The following CHODL variants were observed in gnomAD, a reference collection of about 807,000 sequenced individuals.
The protein encoded by CHODL is transmembrane protein MT75.
In CHODL, 29 loss-of-function variants were observed where a neutral mutation model predicts 34.5. The observed-to-expected ratio is 0.84, with a 90% CI of 0.63 to 1.15. The LOEUF is 1.15. Ranked by LOEUF, CHODL falls within the 50% of genes most tolerant of loss-of-function variation. The pLI is 0.00. For missense variants in CHODL, 332 were observed against 332.5 expected (o/e 1.00, Z 0.01); for synonymous variants, 125 against 116.1 (o/e 1.08, Z -0.49).
chr21:17,933,206 T>C (rs920405703), intron 1 of CHODL, among the ~76,000 whole-genome samples: 5 of 152,308 alleles, frequency 3.3e-5, no homozygotes, highest in South Asian at 2.1e-4. Flanking sequence ...TGCCTTCCTC[T>C]TGTTTCAACT....
At chr21:18,216,294 C>A (rs112905203) in intron 2 of CHODL, among the ~76,000 whole-genome samples, 6,198 of 152,210 alleles carry the variant, frequency 0.041, 162 homozygotes, top group Non-Finnish European at 0.054. Context: ...CATACCAAAT[C>A]TTTTCTTCTA....
At chr21:18,116,502 A>G (rs1484635864) in intron 2 of CHODL, among the ~76,000 whole-genome samples, 1 of 152,060 alleles carries the variant, frequency 6.6e-6, no homozygotes, top group Non-Finnish European at 1.5e-5. Flanking sequence ...ACGCCATCTC[A>G]TTTCTATGTT....
chr21:18,166,803 C>T (rs1341418975), intron 2 of CHODL, among the ~76,000 whole-genome samples: 1 of 152,018 alleles, frequency 6.6e-6, no homozygotes, highest in Non-Finnish European at 1.5e-5. Context: ...TATCCTTGAT[C>T]CCATAGATTC....
At chr21:18,052,385 G>C (rs563029884) in intron 2 of CHODL, among the ~76,000 whole-genome samples, 4 of 152,012 alleles carry the variant, frequency 2.6e-5, no homozygotes, top group Admixed American at 6.6e-5. Flanking sequence ...TGGAAAGCCT[G>C]GTTCTAACCC....
intron 2 of CHODL, among the ~76,000 whole-genome samples, chr21:18,064,387 C>T (rs1014119428): frequency 6.6e-6 from 1 of 152,078 alleles, no homozygotes; most frequent in Non-Finnish European, 1.5e-5. Flanking sequence ...ATATTTTTTG[C>T]TAAATTAATA....
rs371539856 is a variant in CHODL at position 17,970,353 on chromosome 21, G to T, written c.-145+52953G>T. The stretch of plus-strand genomic sequence containing the variant: ...TTATTTCTCAATTTGTTCCAAAATT[G>T]ACAGGCAAAGAAAGGAGTGTTATAT... On this transcript the variant is annotated intron_variant, in intron 1 of 6. Transcript: ENST00000400127. Among the ~76,000 whole-genome samples, 27 of 152,090 alleles carry T rather than the reference G, an allele frequency of 1.8e-4. 1 individual carries two copies. The highest frequency in any genetic ancestry group is 5.1e-4 in the African/African-American group (21 of 41,512).
chr21:18,025,222 T>C (rs2064163034), intron 1 of CHODL, among the ~76,000 whole-genome samples: 1 of 152,158 alleles, frequency 6.6e-6, no homozygotes, highest in African/African-American at 2.4e-5. Context: ...AATTATCAAA[T>C]AAAATGCTAA....
intron 1 of CHODL, among the ~76,000 whole-genome samples, chr21:17,961,553 A>G (rs1216146149): frequency 2.0e-5 from 3 of 152,220 alleles, no homozygotes; most frequent in Non-Finnish European, 4.4e-5. Flanking sequence ...GGGGAAGGAT[A>G]TCATTTAACT....
chr21:18,179,152 A>T (rs1369941407), intron 2 of CHODL, among the ~76,000 whole-genome samples: 4 of 152,044 alleles, frequency 2.6e-5, no homozygotes, highest in Non-Finnish European at 5.9e-5. Flanking sequence ...GAAAACCGCC[A>T]TTTGTGGAGT....
Position 18,008,145 on chromosome 21 carries a change from C to T in CHODL, c.-144-19727C>T, listed in dbSNP as rs549252299. 4.6e-5 allele frequency among the ~76,000 whole-genome samples: 7 copies of T among 150,804 alleles called. No individual in the cohort carries two copies. The South Asian group carries it at 6.3e-4, about 14-fold the overall frequency. On this transcript the variant is annotated intron_variant, in intron 1 of 6. Transcript: ENST00000400127. The stretch of plus-strand genomic sequence containing the variant: ...GTGAATTTATTTAAATATTTTTCTT[C>T]TTTTTTTTAAAAAAAAGCTTTATTG...
intron 2 of CHODL, among the ~76,000 whole-genome samples, chr21:18,046,060 G>T (rs1357470855): frequency 6.6e-6 from 1 of 151,960 alleles, no homozygotes; most frequent in Admixed American, 6.6e-5. Flanking sequence ...GTGGTAATTT[G>T]TTGTGGCATC....
chr21:17,983,589 AT>A (rs564837998), intron 1 of CHODL, among the ~76,000 whole-genome samples: 1 of 152,320 alleles, frequency 6.6e-6, no homozygotes, highest in African/African-American at 2.4e-5. Context: ...AAAACATAGT[AT>A]CTTAATTATT....
At chr21:18,123,279 T>C (rs904475965) in intron 2 of CHODL, among the ~76,000 whole-genome samples, 3 of 152,182 alleles carry the variant, frequency 2.0e-5, no homozygotes, top group East Asian at 1.9e-4. Flanking sequence ...TCAGGAATGA[T>C]CATTTGGCTT....
At chr21:18,023,896 G>A (rs258645) in intron 1 of CHODL, among the ~76,000 whole-genome samples, 51,151 of 152,028 alleles carry the variant, frequency 0.34, 10,015 homozygotes, top group Non-Finnish European at 0.45. Context: ...GAGATGAAAC[G>A]GCACAGAGTA....
chr21:17,944,252 G>A (rs2063387986), intron 1 of CHODL, among the ~76,000 whole-genome samples: 1 of 152,112 alleles, frequency 6.6e-6, no homozygotes, highest in South Asian at 2.1e-4. Flanking sequence ...TGCATAGACA[G>A]GGAGATTCTC....
intron 2 of CHODL, among the ~76,000 whole-genome samples, chr21:18,220,554 C>T (rs1050580636): frequency 5.3e-5 from 8 of 152,112 alleles, no homozygotes; most frequent in African/African-American, 1.9e-4. Context: ...CTTTCATTTC[C>T]AGATATAGGA....
chr21:18,197,306 A>G (rs1440320611), intron 2 of CHODL, among the ~76,000 whole-genome samples: 1 of 152,172 alleles, frequency 6.6e-6, no homozygotes, highest in Non-Finnish European at 1.5e-5. Flanking sequence ...ACATAGTGCC[A>G]ATTAGCTTAA....
chr21:17,968,731 C>A (rs2063592408), intron 1 of CHODL, among the ~76,000 whole-genome samples: 1 of 152,144 alleles, frequency 6.6e-6, no homozygotes, highest in African/African-American at 2.4e-5. Flanking sequence ...GGGATCAATG[C>A]AGAGTTCATC....
chr21:18,252,023 CAAAT>C (rs1433931846), intron 1 of CHODL, among the ~76,000 whole-genome samples: 1 of 151,840 alleles, frequency 6.6e-6, no homozygotes, highest in Non-Finnish European at 1.5e-5. Context: ...GCACATCTAG[CAAAT>C]AAATTATCTT....
Sources: allele counts gnomAD v4.1 joint callset (sites outside exome capture counted in the v4.1 genomes callset), GRCh38; gene constraint gnomAD v4.1.1; transcripts MANE v1.5; gene names NCBI Gene and HGNC (gene_info 2026-07-23, HGNC 2026-07-21).